The following NUBPL variants were observed in gnomAD, a reference collection of about 807,000 sequenced individuals.
NUBPL encodes the protein iron-sulfur cluster transfer protein NUBPL.
Under a neutral mutation model 45.7 loss-of-function variants are expected in NUBPL, and 31 were observed. The observed-to-expected ratio is 0.68, with a 90% CI of 0.51 to 0.92. The LOEUF is 0.92. Among genes scored for constraint, NUBPL ranks in the 40% least tolerant of loss-of-function variants. The pLI, the probability that NUBPL is intolerant of heterozygous loss-of-function variation, is 0.00. For missense variants in NUBPL, 401 were observed against 398.7 expected, an observed-to-expected ratio of 1.01 and a Z score of -0.05; for synonymous variants, 144 against 140.9, an observed-to-expected ratio of 1.02 and a Z score of -0.15.
chr14:31,856,750 C>T (rs1398129523), intron 10 of NUBPL, among the ~76,000 whole-genome samples: 3 of 152,236 alleles, frequency 2.0e-5, no homozygotes, highest in Non-Finnish European at 4.4e-5. Flanking sequence ...TCTCCCTTGA[C>T]TCTATGTCTC....
intron 6 of NUBPL, chr14:31,771,874 G>T: frequency 1.0e-6 from 1 of 985,330 alleles, no homozygotes; most frequent in Non-Finnish European, 1.2e-6. Flanking sequence ...CAGATGGCAG[G>T]TAGGTGGAAC....
chr14:31,751,468 A>C (rs2038528067), intron 6 of NUBPL, among the ~76,000 whole-genome samples: 2 of 152,274 alleles, frequency 1.3e-5, no homozygotes, highest in Admixed American at 1.3e-4. Context: ...GCAAGTCTGA[A>C]ACCTGGCAGG....
chr14:31,701,019 G>A (rs1252936556), intron 6 of NUBPL, among the ~76,000 whole-genome samples: 2 of 152,348 alleles, frequency 1.3e-5, no homozygotes, highest in Non-Finnish European at 2.9e-5. Context: ...CTCCTGAGCC[G>A]GCTGGGGACT....
At chr14:31,640,427 C>T (rs891199547) in intron 4 of NUBPL, among the ~76,000 whole-genome samples, 7 of 151,980 alleles carry the variant, frequency 4.6e-5, no homozygotes, top group African/African-American at 1.7e-4. Context: ...TGGCAAAACC[C>T]TGTCTCTGCT....
chr14:31,647,808 A>G (rs2035896647), intron 4 of NUBPL, among the ~76,000 whole-genome samples: 1 of 152,030 alleles, frequency 6.6e-6, no homozygotes, highest in East Asian at 1.9e-4. Flanking sequence ...TCCACTTTGA[A>G]CTCACTGTTT....
At chr14:31,710,275 T>C (rs146159957) in intron 6 of NUBPL, among the ~76,000 whole-genome samples, 7,218 of 152,092 alleles carry the variant, frequency 0.047, 216 homozygotes, top group Admixed American at 0.066. Flanking sequence ...TGTTTGTTTC[T>C]CCCCCTGCCC....
intron 4 of NUBPL, among the ~76,000 whole-genome samples, chr14:31,627,627 G>A (rs746841172): frequency 7.9e-5 from 12 of 151,888 alleles, no homozygotes; most frequent in South Asian, 2.1e-4. Context: ...TTAGCCAGAC[G>A]TGGTGGCGGG....
intron 4 of NUBPL, among the ~76,000 whole-genome samples, chr14:31,606,346 C>A (rs1421108047): frequency 2.6e-5 from 4 of 152,108 alleles, no homozygotes; most frequent in Admixed American, 2.6e-4. Context: ...CCTGCTTTGG[C>A]CACCCAAAGT....
At chr14:31,617,639 G>T (rs1310615997) in intron 4 of NUBPL, among the ~76,000 whole-genome samples, 2 of 152,142 alleles carry the variant, frequency 1.3e-5, no homozygotes, top group Non-Finnish European at 2.9e-5. Context: ...CTTGATCTTG[G>T]TAGATAAGTG....
chr14:31,588,053 C>G (rs2034040439), intron 3 of NUBPL, among the ~76,000 whole-genome samples: 1 of 152,060 alleles, frequency 6.6e-6, no homozygotes, highest in Admixed American at 6.6e-5. Flanking sequence ...ATACTTTCTG[C>G]TAGGAAATTA....
At chr14:31,729,609 T>A (rs1254588859) in intron 6 of NUBPL, among the ~76,000 whole-genome samples, 1 of 152,162 alleles carries the variant, frequency 6.6e-6, no homozygotes, top group Non-Finnish European at 1.5e-5. Context: ...TGCCTTTATA[T>A]GTATTTTGTT....
chr14:31,643,120 T>G (rs535362936), intron 4 of NUBPL, among the ~76,000 whole-genome samples: 3 of 152,290 alleles, frequency 2.0e-5, no homozygotes, highest in Admixed American at 2.0e-4. Context: ...TTTGATTTCT[T>G]CCTTTCCAAT....
chr14:31,840,025 A>G (rs2040343345), intron 8 of NUBPL, among the ~76,000 whole-genome samples: 1 of 152,210 alleles, frequency 6.6e-6, no homozygotes, highest in Non-Finnish European at 1.5e-5. Flanking sequence ...TAATATAGCC[A>G]TTAAGGAAAA....
intron 6 of NUBPL, among the ~76,000 whole-genome samples, chr14:31,723,294 G>C (rs954304399): frequency 6.6e-6 from 1 of 152,010 alleles, no homozygotes; most frequent in African/African-American, 2.4e-5. Context: ...CTGTTCCATT[G>C]GTCTATGCAC....
intron 6 of NUBPL, among the ~76,000 whole-genome samples, chr14:31,761,031 A>G (rs2038796793): frequency 6.6e-6 from 1 of 152,108 alleles, no homozygotes; most frequent in Non-Finnish European, 1.5e-5. Context: ...ATCCATTCTC[A>G]TAGGAAAAAG....
At chr14:31,705,632 C>T (rs755612999) in intron 6 of NUBPL, among the ~76,000 whole-genome samples, 1 of 152,008 alleles carries the variant, frequency 6.6e-6, no homozygotes, top group Non-Finnish European at 1.5e-5. Context: ...CGTTTACAAA[C>T]CTTTAGCTAG....
chr14:31,835,124 G>A (rs1427155038), intron 8 of NUBPL, among the ~76,000 whole-genome samples: 1 of 152,178 alleles, frequency 6.6e-6, no homozygotes, highest in East Asian at 1.9e-4. Context: ...ATAAGGGGAA[G>A]GGGAGTTCCA....
chr14:31,837,851 A>C (rs1168302055), intron 8 of NUBPL, among the ~76,000 whole-genome samples: 1 of 152,230 alleles, frequency 6.6e-6, no homozygotes, highest in African/African-American at 2.4e-5. Context: ...TAGAAAAGAT[A>C]GCTGGGCACA....
intron 4 of NUBPL, among the ~76,000 whole-genome samples, chr14:31,634,395 A>G (rs1595400426): frequency 6.6e-6 from 1 of 151,818 alleles, no homozygotes; most frequent in East Asian, 1.9e-4. Flanking sequence ...AATTTCATCC[A>G]TGTCCCTACA....
Sources: allele counts gnomAD v4.1 joint callset (sites outside exome capture counted in the v4.1 genomes callset), GRCh38; gene constraint gnomAD v4.1.1; transcripts MANE v1.5; gene names NCBI Gene and HGNC (gene_info 2026-07-23, HGNC 2026-07-21).